The following NUP133 variants were observed in gnomAD, a reference collection of about 807,000 sequenced individuals.
NUP133 encodes the protein nucleoporin 133.
A neutral mutation model predicts 146.2 loss-of-function variants in NUP133; 66 were observed. The observed-to-expected ratio is 0.45, with a 90% CI of 0.37 to 0.55. NUP133 has a LOEUF of 0.55. Among genes scored for constraint, NUP133 ranks in the 20% least tolerant of loss-of-function variants. The pLI, the probability that NUP133 is intolerant of heterozygous loss-of-function variation, is 0.00. For synonymous variants in NUP133, 521 were observed against 498.8 expected, an observed-to-expected ratio of 1.04 and a Z score of -0.59; for missense variants, 1,277 against 1,374.8, an observed-to-expected ratio of 0.93 and a Z score of 1.12.
Position 229,508,086 on chromosome 1 carries a change from C to CGCCG in NUP133, c.160_163dup (p.Arg55ProfsTer3). On this transcript the variant is annotated frameshift_variant, in exon 1 of 26. Transcript: ENST00000261396. LOFTEE classifies it high-confidence loss of function. The stretch of plus-strand genomic sequence containing the variant: ...CACTTACCGCGAGCTTAGCGAGCTA[C>CGCCG]GCCGGCCGACCGGCGAGAAGAGCAC... The CGCCG allele has an allele frequency of 1.3e-6, 2 of 1,503,794 alleles. No individual in the cohort carries two copies. The highest frequency in any genetic ancestry group is 1.8e-6 in the Non-Finnish European group (2 of 1,124,808). 93.2% of individuals were successfully genotyped at this position (1,503,794 alleles called of 1,614,324 possible).
chr1:229,484,767 T>A (rs1444747865), intron 11 of NUP133, among the ~76,000 whole-genome samples: 1 of 152,208 alleles, frequency 6.6e-6, no homozygotes, highest in Admixed American at 6.5e-5. Context: ...ATAACAGTAT[T>A]ATAATAACCA....
intron 9 of NUP133, 128 bp downstream of exon 9, chr1:229,489,827 G>C: frequency 1.3e-6 from 1 of 747,286 alleles, no homozygotes; most frequent in Non-Finnish European, 2.0e-6. Context: ...AGTGAGCTGA[G>C]ATCAAGCCAC....
chr1:229,440,826 T>G lies in NUP133; in HGVS notation c.*1078A>C, dbSNP rs1285317616. Reference sequence around the variant, plus strand: ...CATTAACCTGCTCTTCCAAACATACTCAAGGGCTGGCCTTGCAGCCTGCGG... The same window carrying G: ...CATTAACCTGCTCTTCCAAACATACGCAAGGGCTGGCCTTGCAGCCTGCGG... On this transcript the variant is annotated 3_prime_UTR_variant, in exon 26 of 26. Coordinates refer to ENST00000261396, the MANE Select transcript of NUP133 (RefSeq NM_018230.3). 1 of 152,562 alleles carries G rather than the reference T, an allele frequency of 6.6e-6. No homozygotes were observed. The highest frequency in any genetic ancestry group is 1.9e-4 in the East Asian group (1 of 5,218). The allele number at this position is 152,562 out of a possible 1,614,324, so 9.5% of individuals were successfully genotyped here.
chr1:229,500,736 TA>T lies in NUP133; in HGVS notation c.513+19del. ...CCTTGTTGTAAAAAGTTTATTTAAA[TA>T]AGCTTTTAAGTCACCTACCTGAGTA... On this transcript the variant is annotated intron_variant, in intron 4 of 25. Transcript: ENST00000261396. 1 of 1,477,288 alleles carries T rather than the reference TA, an allele frequency of 6.8e-7. No homozygotes were observed. The highest frequency in any genetic ancestry group is 9.3e-7 in the Non-Finnish European group (1 of 1,070,912). 91.5% of individuals were successfully genotyped at this position (1,477,288 alleles called of 1,614,324 possible). A position where few individuals can be genotyped will look rare whatever the true frequency, so the allele number is the denominator to read the frequency against.
intron 5 of NUP133, 71 bp from the exon 6 acceptor site, chr1:229,498,377 T>C (rs982028950): frequency 3.7e-6 from 4 of 1,066,692 alleles, no homozygotes; most frequent in Admixed American, 2.8e-5. Flanking sequence ...AATTCTTTGA[T>C]ACAGAGAAAA....
At chr1:229,478,644 T>TA (rs750566542) in intron 12 of NUP133, among the ~76,000 whole-genome samples, 1 of 152,036 alleles carries the variant, frequency 6.6e-6, no homozygotes, top group Non-Finnish European at 1.5e-5. Flanking sequence ...TCTTCTAACT[T>TA]AGAGAGATTA....
Position 229,449,204 on chromosome 1 carries a change from CA to C in NUP133, c.3181-15del. ...TATATCTTCTTCCTTCACAGCAAAA[CA>C]AAAAAAATCCTGATTAAATCCTGGC... On this transcript the variant is annotated splice_polypyrimidine_tract_variant and intron_variant, in intron 23 of 25. Transcript: ENST00000261396. The C allele has an allele frequency of 2.3e-5, 36 of 1,554,028 alleles. No individual in the cohort carries two copies. Among genetic ancestry groups the C allele is most frequent in the Admixed American group, 3.6e-5 (2 of 55,838 alleles).
In NUP133 at chr1:229,467,348, C is replaced by G. The variant is rs143099394; in HGVS notation, c.2077-592G>C. On this transcript the variant is annotated intron_variant, in intron 15 of 25. Transcript: ENST00000261396. ...TTCAAGTCTGCACTTAAGCTTTCCC[C>G]CCATTATTTAGAGTTTGCATAGCAA... Among the ~76,000 whole-genome samples the G allele has an allele frequency of 6.7e-3, 1,017 of 152,294 alleles. 15 individuals are homozygous for G. Among genetic ancestry groups the G allele is most frequent in the African/African-American group, 0.023 (939 of 41,566 alleles).
At chr1:229,479,548 G>A (rs1410142265) in intron 12 of NUP133, among the ~76,000 whole-genome samples, 1 of 152,162 alleles carries the variant, frequency 6.6e-6, no homozygotes, top group Non-Finnish European at 1.5e-5. Context: ...CTGTGGGTAA[G>A]GGGGAACAAC....
chr1:229,504,234 A>C (rs1661879074), intron 2 of NUP133, among the ~76,000 whole-genome samples: 1 of 152,182 alleles, frequency 6.6e-6, no homozygotes. Flanking sequence ...ATACAATTTA[A>C]GTAAAACGAA....
In NUP133 at chr1:229,441,649, C is replaced by T. The variant is rs554888348; in HGVS notation, c.*255G>A. On this transcript the variant is annotated 3_prime_UTR_variant, in exon 26 of 26. Transcript: ENST00000261396. ...ACAAGAACTCCAGAACCTGGGACCACGTGAGAGTAAAAAGAAAGGGCACCG... is the reference window on the plus strand; with the variant it reads ...ACAAGAACTCCAGAACCTGGGACCATGTGAGAGTAAAAAGAAAGGGCACCG... The T allele has an allele frequency of 2.9e-5, 11 of 375,120 alleles. No individual in the cohort carries two copies. The highest frequency in any genetic ancestry group is 5.0e-5 in the Non-Finnish European group (10 of 200,672). The allele number at this position is 375,120 out of a possible 1,614,324, so 23.2% of individuals were successfully genotyped here.
At chr1:229,443,392 A>G (rs1660227595) in intron 25 of NUP133, among the ~76,000 whole-genome samples, 2 of 152,168 alleles carry the variant, frequency 1.3e-5, no homozygotes, top group African/African-American at 2.4e-5. Flanking sequence ...GTGACTAACT[A>G]GAAAAAAATT....
intron 21 of NUP133, 76 bp downstream of exon 21, chr1:229,458,081 GCTAA>G (rs1660607250): frequency 7.0e-7 from 1 of 1,425,428 alleles, no homozygotes; most frequent in Non-Finnish European, 9.6e-7. Context: ...GATAGATCCT[GCTAA>G]CTGATGACAG....
intron 12 of NUP133, among the ~76,000 whole-genome samples, chr1:229,480,125 G>C (rs566188078): frequency 1.3e-5 from 2 of 152,270 alleles, no homozygotes; most frequent in East Asian, 3.9e-4. Context: ...GAGGGAAAGA[G>C]GAACAGGATT....
chr1:229,459,377 T>C (rs1660642918), intron 20 of NUP133, among the ~76,000 whole-genome samples: 1 of 152,028 alleles, frequency 6.6e-6, no homozygotes, highest in South Asian at 2.1e-4. Flanking sequence ...AAAATAAAAA[T>C]AATCTTCTTC....
At chr1:229,477,456 A>AAAT in intron 13 of NUP133, 141 bp downstream of exon 13, 1 of 591,664 alleles carries the variant, frequency 1.7e-6, no homozygotes, top group Non-Finnish European at 2.6e-6. Context: ...AAAAAAAAAA[A>AAAT]GGAAGGTCAC....
intron 18 of NUP133, 145 bp downstream of exon 18, chr1:229,464,479 A>G (rs2102758010): frequency 1.1e-6 from 1 of 940,822 alleles, no homozygotes; most frequent in Non-Finnish European, 1.6e-6. Context: ...AGTTGAATAA[A>G]TGAGCACAGA....
Position 229,463,590 on chromosome 1 carries a change from C to T in NUP133, c.2638G>A (p.Asp880Asn). The change falls in exon 19 of 26, where the codon GAC (aspartate) becomes AAC (asparagine). Residue 880 changes from aspartate (D) to asparagine (N), a missense_variant. Transcript: ENST00000261396. ...DILVQMCEQT[D>N]NQSRLQRYMT... ...TAGCGCTGGAGTCGGCTCTGGTTGT[C>T]AGTCTGCTCACACATTTGTACCAAT... is the stretch of plus-strand genomic sequence containing the variant. The T allele has an allele frequency of 6.2e-7, 1 of 1,614,060 alleles. No individual in the cohort carries two copies. Among genetic ancestry groups the T allele is most frequent in the Non-Finnish European group, 8.5e-7 (1 of 1,180,004 alleles).
intron 24 of NUP133, among the ~76,000 whole-genome samples, chr1:229,446,627 G>A (rs1374775410): frequency 4.0e-5 from 6 of 151,766 alleles, no homozygotes; most frequent in Admixed American, 1.3e-4. Flanking sequence ...CCAACTAATC[G>A]GGAGGCTGAG....
Sources: allele counts gnomAD v4.1 joint callset (sites outside exome capture counted in the v4.1 genomes callset), GRCh38; gene constraint gnomAD v4.1.1; transcripts MANE v1.5; gene names NCBI Gene and HGNC (gene_info 2026-07-23, HGNC 2026-07-21).